Variants in ARMH3 observed in about 807,000 individuals in gnomAD.
ARMH3 encodes armadillo-like helical domain-containing protein 3.
In ARMH3, 60 loss-of-function variants were observed where a neutral mutation model predicts 99.1. The observed-to-expected ratio is 0.61, with a 90% CI of 0.49 to 0.75. The LOEUF (loss-of-function observed/expected upper bound fraction) is 0.75, where lower values mean the gene tolerates loss of function less well. Ranked by LOEUF, ARMH3 falls within the 30% of genes least tolerant of loss-of-function variation. The pLI is 0.00. For missense variants in ARMH3, 679 were observed against 843.1 expected (o/e 0.81, Z 2.41); for synonymous variants, 285 against 292.8 (o/e 0.97, Z 0.27).
At chr10:102,008,641 C>T (rs1434448937) in intron 13 of ARMH3, among the ~76,000 whole-genome samples, 1 of 152,144 alleles carries the variant, frequency 6.6e-6, no homozygotes, top group Non-Finnish European at 1.5e-5. Flanking sequence ...CAAGCTCTGC[C>T]TCCTGGGTTC....
At chr10:101,876,917 C>G (rs2067280728) in intron 24 of ARMH3, among the ~76,000 whole-genome samples, 1 of 152,102 alleles carries the variant, frequency 6.6e-6, no homozygotes, top group Non-Finnish European at 1.5e-5. Context: ...TCTTCAAAAG[C>G]TGACTACTGG....
intron 22 of ARMH3, among the ~76,000 whole-genome samples, chr10:101,950,873 T>C (rs1844752239): frequency 1.3e-5 from 2 of 152,192 alleles, no homozygotes; most frequent in Admixed American, 1.3e-4. Flanking sequence ...AAGTTCATTG[T>C]GGTGATGGTG....
chr10:101,889,610 G>T, intron 23 of ARMH3, 120 bp from the exon 24 acceptor site: 1 of 889,996 alleles, frequency 1.1e-6, no homozygotes, highest in Non-Finnish European at 1.9e-6. Flanking sequence ...GATTGTGACT[G>T]GGTAACTTCC....
chr10:101,876,797 TA>T (rs532437758), intron 24 of ARMH3, among the ~76,000 whole-genome samples: 5 of 152,032 alleles, frequency 3.3e-5, no homozygotes, highest in African/African-American at 4.8e-5. Context: ...AAAAGGTGAC[TA>T]AAAAAACTGA....
chr10:101,992,844 C>T (rs948949447), intron 17 of ARMH3, among the ~76,000 whole-genome samples: 5 of 152,074 alleles, frequency 3.3e-5, no homozygotes, highest in African/African-American at 1.2e-4. Flanking sequence ...TTCCCTGATC[C>T]TCCATATTCT....
At chr10:101,980,579 G>T (rs898740772) in intron 19 of ARMH3, among the ~76,000 whole-genome samples, 1 of 152,142 alleles carries the variant, frequency 6.6e-6, no homozygotes, top group Non-Finnish European at 1.5e-5. Flanking sequence ...GATTACAGGC[G>T]GGAGCCACCG....
intron 23 of ARMH3, among the ~76,000 whole-genome samples, chr10:101,915,495 A>G (rs1843041111): frequency 6.6e-6 from 1 of 152,204 alleles, no homozygotes; most frequent in Non-Finnish European, 1.5e-5. Context: ...TTCCTGAGCA[A>G]CTGAATAGAG....
At chr10:101,944,271 TATAGAGAGAGAGAGAGAGAGAGAGAG>T (rs1165957914) in intron 22 of ARMH3, among the ~76,000 whole-genome samples, 36 of 40,026 alleles carry the variant, frequency 9.0e-4, no homozygotes, top group Middle Eastern at 0.017. Flanking sequence ...TATATATATA[TATAGAGAGAGAGAGAGAGAGAGAGAG>T]AGAGAGAGAG....
At position 101,976,168 on chromosome 10, in the gene ARMH3, CAAAAAAAAA is replaced by C. The variant is rs780547260; in HGVS notation, c.1407-877_1407-869del. On this transcript the variant is annotated intron_variant, in intron 19 of 25. Coordinates refer to ENST00000370033, the MANE Select transcript of ARMH3 (RefSeq NM_024541.3). ...TGGGTGACAGAGTGAGACTCTGTCT[CAAAAAAAAA>C]AAAAAAAAAAAAAAAAGCCAGGTGC... Among the ~76,000 whole-genome samples the C allele has an allele frequency of 1.3e-4, 3 of 23,188 alleles. No homozygotes were observed. The Admixed American group carries it at 1.9e-3, about 15-fold the overall frequency. 15.2% of individuals were successfully genotyped at this position (23,188 alleles called of 152,430 possible).
chr10:101,848,417 A>C (rs1042862974), intron 25 of ARMH3, among the ~76,000 whole-genome samples: 1 of 152,180 alleles, frequency 6.6e-6, no homozygotes, highest in Non-Finnish European at 1.5e-5. Context: ...GGGTTCCAAG[A>C]GGAATCTGGC....
chr10:101,985,055 G>T (rs1337093883), intron 19 of ARMH3, among the ~76,000 whole-genome samples: 1 of 145,908 alleles, frequency 6.9e-6, no homozygotes, highest in African/African-American at 2.6e-5. Context: ...GCAACAGAAA[G>T]AGACTCCATC....
At chr10:102,002,744 T>C (rs1343264835) in intron 14 of ARMH3, among the ~76,000 whole-genome samples, 1 of 151,934 alleles carries the variant, frequency 6.6e-6, no homozygotes, top group Non-Finnish European at 1.5e-5. Flanking sequence ...GCACATCACC[T>C]AAGGTCAGGA....
At position 101,920,754 on chromosome 10, in the gene ARMH3, A is replaced by C. The variant is rs912778575; in HGVS notation, c.1781+19109T>G. 1.1e-4 allele frequency among the ~76,000 whole-genome samples: 17 copies of C among 152,350 alleles called. No individual in the cohort carries two copies. In the East Asian group the frequency reaches 3.3e-3, roughly 29 times the overall value. On this transcript the variant is annotated intron_variant, in intron 23 of 25. Coordinates refer to ENST00000370033, the MANE Select transcript of ARMH3 (RefSeq NM_024541.3). ...AGGCAGAAGCAACCCAAGGGTCACC[A>C]ACAGATAACTGGATAAACAAAATGT...
At chr10:101,880,337 C>T (rs1257749998) in intron 24 of ARMH3, among the ~76,000 whole-genome samples, 3 of 152,172 alleles carry the variant, frequency 2.0e-5, no homozygotes, top group Non-Finnish European at 4.4e-5. Context: ...TTAGAGAGGC[C>T]TCAATTACCC....
chr10:101,913,830 G>C (rs1424639230), intron 23 of ARMH3, among the ~76,000 whole-genome samples: 1 of 152,196 alleles, frequency 6.6e-6, no homozygotes, highest in African/African-American at 2.4e-5. Context: ...GCAAATAATG[G>C]GTGGTAAGCA....
At chr10:101,873,157 AC>A (rs543746466) in intron 24 of ARMH3, among the ~76,000 whole-genome samples, 44 of 150,514 alleles carry the variant, frequency 2.9e-4, no homozygotes, top group Middle Eastern at 7.1e-3. Flanking sequence ...TAATCCCAGC[AC>A]TTTGGGAGGC....
At chr10:101,913,686 C>T (rs1347889823) in intron 23 of ARMH3, among the ~76,000 whole-genome samples, 1 of 152,160 alleles carries the variant, frequency 6.6e-6, no homozygotes, top group Non-Finnish European at 1.5e-5. Context: ...TTGACCAGAG[C>T]CAAAGGCTCC....
At chr10:101,998,813 T>G (rs907769980) in intron 15 of ARMH3, among the ~76,000 whole-genome samples, 2 of 152,216 alleles carry the variant, frequency 1.3e-5, no homozygotes, top group African/African-American at 4.8e-5. Context: ...TAGAGTATAC[T>G]TAATGCCTAA....
intron 2 of ARMH3, among the ~76,000 whole-genome samples, chr10:102,038,857 A>C (rs141610949): frequency 4.2e-4 from 64 of 151,634 alleles, no homozygotes; most frequent in African/African-American, 1.4e-3. Flanking sequence ...CTCCCACTTC[A>C]GCCTCCCAAG....
Sources: gnomAD v4.1 joint callset for allele counts (sites outside exome capture counted in the v4.1 genomes callset) on GRCh38, gnomAD v4.1.1 for gene constraint, MANE v1.5 for transcripts, NCBI Gene and HGNC (gene_info 2026-07-23, HGNC 2026-07-21) for gene names.